Variants in IL1RAPL2 observed in about 807,000 individuals in gnomAD.
IL1RAPL2 encodes the protein interleukin 1 receptor accessory protein like 2.
In IL1RAPL2, 3 loss-of-function variants were observed where a neutral mutation model predicts 44.1. That is an observed-to-expected ratio of 0.07 (90% CI 0.03 to 0.18). The LOEUF (loss-of-function observed/expected upper bound fraction) is 0.18. Among genes scored for constraint, IL1RAPL2 ranks in the 10% least tolerant of loss-of-function variants. The probability of loss-of-function intolerance (pLI) is 1.00; values close to 1 mark genes in which losing one functional copy is unlikely to be tolerated. For missense variants in IL1RAPL2, 391 were observed against 496.4 expected, an observed-to-expected ratio of 0.79 and a Z score of 2.02; for synonymous variants, 181 against 178.8, an observed-to-expected ratio of 1.01 and a Z score of -0.10.
chrX:105,389,557 GT>G (rs2147729085), intron 5 of IL1RAPL2, among the ~76,000 whole-genome samples: 1 of 111,797 alleles, frequency 8.9e-6, no homozygotes, highest in South Asian at 3.7e-4. Flanking sequence ...CTGGAGGCTA[GT>G]CAGATATACA....
chrX:104,814,518 A>G (rs936276218), intron 2 of IL1RAPL2, among the ~76,000 whole-genome samples: 5 of 112,317 alleles, frequency 4.5e-5, no homozygotes, highest in African/African-American at 6.5e-5. Flanking sequence ...TAGCCACTCA[A>G]TGGATATTTG....
intron 2 of IL1RAPL2, among the ~76,000 whole-genome samples, chrX:104,928,320 C>T (rs1478122563): frequency 8.9e-6 from 1 of 111,820 alleles, no homozygotes; most frequent in Non-Finnish European, 1.9e-5. Flanking sequence ...ATTAGTCCAG[C>T]TTATTCCGGT....
rs184567054 is a variant in IL1RAPL2, at chrX:105,471,853, G to A, written c.698-12460G>A. 3.6e-5 allele frequency among the ~76,000 whole-genome samples: 4 copies of A among 111,777 alleles called. No homozygotes were observed. The East Asian group carries it at 1.1e-3, about 32-fold the overall frequency. Reference sequence around the variant, plus strand: ...ACAAGAGTTTCCTGAAAAGCCTTTTGTTCTCTCACAAATGACCTGACCACT... The same window carrying A: ...ACAAGAGTTTCCTGAAAAGCCTTTTATTCTCTCACAAATGACCTGACCACT... On this transcript the variant is annotated intron_variant, in intron 5 of 10. Coordinates refer to ENST00000372582, the MANE Select transcript of IL1RAPL2 (RefSeq NM_017416.2).
intron 2 of IL1RAPL2, among the ~76,000 whole-genome samples, chrX:104,692,202 C>A (rs947313595): frequency 1.8e-5 from 2 of 110,993 alleles, no homozygotes; most frequent in Non-Finnish European, 3.8e-5. Context: ...CAAAAATAGT[C>A]TAGGTACTAC....
intron 1 of IL1RAPL2, among the ~76,000 whole-genome samples, chrX:104,576,000 T>C (rs1928238075): frequency 8.9e-6 from 1 of 112,132 alleles, no homozygotes; most frequent in Admixed American, 9.5e-5. Context: ...TGGGTAGTTG[T>C]GACACAGAAT....
At chrX:104,705,730 G>A (rs998938415) in intron 2 of IL1RAPL2, among the ~76,000 whole-genome samples, 4 of 111,479 alleles carry the variant, frequency 3.6e-5, no homozygotes, top group Admixed American at 1.9e-4. Flanking sequence ...AACTGGAGGC[G>A]AGAGGGAAAT....
chrX:104,822,495 A>G (rs1263432921), intron 2 of IL1RAPL2, among the ~76,000 whole-genome samples: 1 of 111,893 alleles, frequency 8.9e-6, no homozygotes, highest in Non-Finnish European at 1.9e-5. Flanking sequence ...ACACCATTTA[A>G]TAAATAGGGA....
chrX:104,961,614 C>A (rs2030008201), intron 2 of IL1RAPL2, among the ~76,000 whole-genome samples: 1 of 111,460 alleles, frequency 9.0e-6, no homozygotes, highest in Non-Finnish European at 1.9e-5. Context: ...CTACCCCATT[C>A]CTCCAAGAAC....
chrX:105,539,237 A>T (rs1418022101), intron 6 of IL1RAPL2, among the ~76,000 whole-genome samples: 1 of 111,494 alleles, frequency 9.0e-6, no homozygotes, highest in Non-Finnish European at 1.9e-5. Flanking sequence ...ATCCTAAACA[A>T]AAAGAACAAA....
rs766541552 is a variant in IL1RAPL2 at position 105,036,509 on chromosome X, A to G, written c.83-158966A>G. Among the ~76,000 whole-genome samples, 106 of 111,658 alleles carry G rather than the reference A, an allele frequency of 9.5e-4. 1 individual carries two copies. Among genetic ancestry groups the G allele is most frequent in the African/African-American group, 3.4e-3 (104 of 30,426 alleles). ...CCAAACATATACCACATTTGGAAAA[A>G]GGCATCAGTGAGATATCTTACAGGA... On this transcript the variant is annotated intron_variant, in intron 2 of 10. Coordinates refer to ENST00000372582, the MANE Select transcript of IL1RAPL2 (RefSeq NM_017416.2).
At chrX:105,558,473 G>A (rs1432514537) in intron 6 of IL1RAPL2, among the ~76,000 whole-genome samples, 1 of 111,477 alleles carries the variant, frequency 9.0e-6, no homozygotes. Context: ...AGAAGGGAAG[G>A]ACTTCCTTTA....
intron 2 of IL1RAPL2, among the ~76,000 whole-genome samples, chrX:104,921,214 C>G (rs751633855): frequency 4.5e-5 from 5 of 111,596 alleles, no homozygotes; most frequent in African/African-American, 1.6e-4. Flanking sequence ...TAGGCAGCGA[C>G]AGCAAAAGCT....
chrX:105,236,749 A>ATATT (rs1569410791), intron 4 of IL1RAPL2, among the ~76,000 whole-genome samples: 1 of 112,320 alleles, frequency 8.9e-6, no homozygotes, highest in East Asian at 2.8e-4. Context: ...ATGTACCAAC[A>ATATT]TATTAGGAAA....
At chrX:105,530,774 C>T (rs2036629399) in intron 6 of IL1RAPL2, among the ~76,000 whole-genome samples, 1 of 93,277 alleles carries the variant, frequency 1.1e-5, no homozygotes, top group Non-Finnish European at 2.1e-5. Context: ...CTTGTACTCT[C>T]TATGTACATG....
intron 4 of IL1RAPL2, among the ~76,000 whole-genome samples, chrX:105,262,191 A>G (rs1341198316): frequency 1.8e-5 from 2 of 111,793 alleles, no homozygotes; most frequent in South Asian, 3.7e-4. Context: ...ATGGATCTGA[A>G]AATGGTTATT....
intron 2 of IL1RAPL2, among the ~76,000 whole-genome samples, chrX:104,884,624 A>G (rs754463911): frequency 9.0e-6 from 1 of 111,360 alleles, no homozygotes; most frequent in East Asian, 2.9e-4. Context: ...TCTCTCTCTG[A>G]TGGGGAAAAA....
At chrX:105,142,848 A>G (rs1251020570) in intron 2 of IL1RAPL2, among the ~76,000 whole-genome samples, 1 of 109,391 alleles carries the variant, frequency 9.1e-6, no homozygotes, top group Non-Finnish European at 1.9e-5. Context: ...TCATTGTTCA[A>G]TTCCCACCTA....
chrX:105,322,381 G>A (rs2034903428), intron 5 of IL1RAPL2, among the ~76,000 whole-genome samples: 1 of 112,482 alleles, frequency 8.9e-6, no homozygotes. Context: ...CAGGTACAGT[G>A]TAGCTGGTTT....
intron 2 of IL1RAPL2, among the ~76,000 whole-genome samples, chrX:105,001,825 C>G (rs1252440513): frequency 9.0e-6 from 1 of 110,770 alleles, no homozygotes; most frequent in African/African-American, 3.3e-5. Flanking sequence ...AAAGGGCTTT[C>G]CTATTACACA....
Sources: gnomAD v4.1 joint callset for allele counts (sites outside exome capture counted in the v4.1 genomes callset) on GRCh38, gnomAD v4.1.1 for gene constraint, MANE v1.5 for transcripts, NCBI Gene and HGNC (gene_info 2026-07-23, HGNC 2026-07-21) for gene names.